Variants in GALNT16 observed in about 807,000 individuals in gnomAD.
GALNT16 encodes the protein UDP-GalNAc:polypeptide N-acetylgalactosaminyltransferase-like protein 1.
In GALNT16, 40 loss-of-function variants were observed where a neutral mutation model predicts 76.1. The observed-to-expected ratio is 0.53, with a 90% confidence interval of 0.41 to 0.68. GALNT16 has a LOEUF of 0.68. Ranked by LOEUF, GALNT16 falls within the 30% of genes least tolerant of loss-of-function variation. GALNT16 has a pLI of 0.00. For synonymous variants in GALNT16, 276 were observed against 285.2 expected (o/e 0.97, Z 0.32); for missense variants, 621 against 731.9 (o/e 0.85, Z 1.75).
the GALNT16 span, among the ~76,000 whole-genome samples, chr14:69,373,313 C>T: frequency 6.6e-6 from 1 of 152,194 alleles, no homozygotes; most frequent in African/African-American, 2.4e-5. Flanking sequence ...ATGATCTATC[C>T]CATTTCTCTT....
At chr14:69,360,572 G>A (rs2045717959), downstream of GALNT16, among the ~76,000 whole-genome samples, 1 of 149,942 alleles carries the variant, frequency 6.7e-6, no homozygotes, top group African/African-American at 2.5e-5. Context: ...AGGTTGCAGT[G>A]AGCTGAGCCT....
chr14:69,378,937 CTTTA>C, the GALNT16 span, among the ~76,000 whole-genome samples: 7 of 152,006 alleles, frequency 4.6e-5, no homozygotes, highest in South Asian at 1.5e-3. Flanking sequence ...ATTATTTTAG[CTTTA>C]TTTATTTTTT....
intron 1 of GALNT16, among the ~76,000 whole-genome samples, chr14:69,308,765 A>G (rs1204831762): frequency 6.6e-6 from 1 of 152,230 alleles, no homozygotes; most frequent in Non-Finnish European, 1.5e-5. Context: ...CAGGAAATCA[A>G]GTGTATTTTT....
intron 4 of GALNT16, among the ~76,000 whole-genome samples, chr14:69,325,734 T>G (rs1048192358): frequency 2.6e-5 from 4 of 152,224 alleles, no homozygotes; most frequent in Non-Finnish European, 5.9e-5. Flanking sequence ...TGCTTTCTAG[T>G]GCTCCCTGAG....
At chr14:69,304,904 A>C (rs2044909844) in intron 1 of GALNT16, among the ~76,000 whole-genome samples, 1 of 152,188 alleles carries the variant, frequency 6.6e-6, no homozygotes, top group African/African-American at 2.4e-5. Flanking sequence ...CATCTTGGCT[A>C]TTGTGAATAA....
chr14:69,295,548 T>C (rs2044748343), intron 1 of GALNT16, among the ~76,000 whole-genome samples: 1 of 151,946 alleles, frequency 6.6e-6, no homozygotes, highest in South Asian at 2.1e-4. Flanking sequence ...AGCGAAACTC[T>C]GTCTCTACTA....
intron 1 of GALNT16, among the ~76,000 whole-genome samples, chr14:69,301,472 A>G (rs1273078102): frequency 6.6e-6 from 1 of 151,818 alleles, no homozygotes; most frequent in Non-Finnish European, 1.5e-5. Context: ...TCCTGCCTCA[A>G]ACTCCCTAAT....
intron 12 of GALNT16, 51 bp downstream of exon 12, chr14:69,341,815 G>A: frequency 7.9e-7 from 1 of 1,269,480 alleles, no homozygotes; most frequent in East Asian, 2.4e-5. Flanking sequence ...GGGGGTGGTT[G>A]GGGCCAGCGG....
intron 6 of GALNT16, among the ~76,000 whole-genome samples, chr14:69,329,913 G>A (rs2045332053): frequency 6.6e-6 from 1 of 151,954 alleles, no homozygotes; most frequent in Non-Finnish European, 1.5e-5. Flanking sequence ...CCAACCTTGG[G>A]GATTACATTT....
At chr14:69,368,984 C>A in the GALNT16 span, among the ~76,000 whole-genome samples, 14 of 152,186 alleles carry the variant, frequency 9.2e-5, no homozygotes, top group African/African-American at 3.4e-4. Context: ...TGTGCTCTGG[C>A]CATTCCTGTA....
intron 3 of GALNT16, 34 bp from the exon 4 acceptor site, chr14:69,325,303 C>G (rs373249778): frequency 7.1e-7 from 1 of 1,400,208 alleles, no homozygotes; most frequent in Admixed American, 1.7e-5. Flanking sequence ...GTTCCTAAAT[C>G]CAGGCTCTTT....
At chr14:69,380,576 C>T in the GALNT16 span, 5 of 1,607,850 alleles carry the variant, frequency 3.1e-6, no homozygotes, top group South Asian at 3.3e-5. Flanking sequence ...CGAAGGAGCA[C>T]GTAGATCTTC....
intron 1 of GALNT16, among the ~76,000 whole-genome samples, chr14:69,289,023 A>G (rs1566866330): frequency 6.6e-6 from 1 of 152,134 alleles, no homozygotes. Flanking sequence ...GACTATAGGC[A>G]CACACCCCCA....
At chr14:69,380,283 T>A in the GALNT16 span, 1 of 357,894 alleles carries the variant, frequency 2.8e-6, no homozygotes, top group Non-Finnish European at 5.0e-6. Flanking sequence ...CAACATTAAG[T>A]GACGAAGAAC....
rs180710294 is a variant in GALNT16 at position 69,313,415 on chromosome 14, C to T, written c.178-7296C>T. Among the ~76,000 whole-genome samples, 24 of 152,298 alleles carry T rather than the reference C, an allele frequency of 1.6e-4. 1 individual carries two copies. The East Asian group carries it at 4.3e-3, about 27-fold the overall frequency. ...GCCTGGTGGACCTGGAGAGGACCCT[C>T]GGGTCTGAGCAGAGACTGCCTGGAA... is the stretch of plus-strand genomic sequence containing the variant. On this transcript the variant is annotated intron_variant, in intron 1 of 14. Coordinates refer to ENST00000448469, the MANE Select transcript of GALNT16 (RefSeq NM_001168368.2).
chr14:69,282,543 A>G (rs2044557852), intron 1 of GALNT16, among the ~76,000 whole-genome samples: 1 of 152,070 alleles, frequency 6.6e-6, no homozygotes, highest in African/African-American at 2.4e-5. Flanking sequence ...GTTCCCTTTT[A>G]TAAGGATAAT....
At chr14:69,342,907 G>C (rs1275687) in intron 12 of GALNT16, among the ~76,000 whole-genome samples, 1 of 151,848 alleles carries the variant, frequency 6.6e-6, no homozygotes, top group African/African-American at 2.4e-5. Flanking sequence ...CCCCAGCATC[G>C]TCTCCTCCAT....
At position 69,333,584 on chromosome 14, in the gene GALNT16, G is replaced by C. The variant is rs763017905; in HGVS notation, c.951G>C (p.Trp317Cys). ...AGTATGATGCCCAGATGGACATCTG[G>C]GGGGGAGAGAATTTTGGTGAGTTGG... The part of the protein sequence containing the change: ...LGKYDAQMDI[W>C]GGENFELSFR... Residue 317 changes from tryptophan (W) to cysteine (C), a missense_variant, in exon 9 of 15, where the codon TGG (tryptophan) becomes TGC (cysteine). Coordinates refer to ENST00000448469, the MANE Select transcript of GALNT16 (RefSeq NM_001168368.2). The surrounding 1 kb of genome is among the most constrained non-coding windows in gnomAD (Gnocchi z 4.2). 2.1e-5 allele frequency: 33 copies of C among 1,570,422 alleles called. No homozygotes were observed. The highest frequency in any genetic ancestry group is 2.5e-5 in the Non-Finnish European group (29 of 1,144,832).
At chr14:69,358,872 A>G (rs2045708123), downstream of GALNT16, 2 of 152,290 alleles carry the variant, frequency 1.3e-5, no homozygotes, top group Non-Finnish European at 2.9e-5. Flanking sequence ...TCCTCACCCT[A>G]CAATCAGCCA....
Sources: gnomAD v4.1 joint callset for allele counts (sites outside exome capture counted in the v4.1 genomes callset) on GRCh38, gnomAD v4.1.1 for gene constraint, Gnocchi (gnomAD v3.1) non-coding constraint, MANE v1.5 for transcripts, NCBI Gene and HGNC (gene_info 2026-07-23, HGNC 2026-07-21) for gene names.